The following A1CF variants were observed in gnomAD, a reference collection of about 807,000 sequenced individuals.
A1CF encodes APOBEC1 complementation factor.
In A1CF, 48 loss-of-function variants were observed where a neutral mutation model predicts 68.9. The ratio of observed to expected loss-of-function variants is 0.70; its 90% confidence interval spans 0.55 to 0.89. The LOEUF (loss-of-function observed/expected upper bound fraction) is 0.89. Among genes scored for constraint, A1CF ranks in the 40% least tolerant of loss-of-function variants. The pLI, the probability that A1CF is intolerant of heterozygous loss-of-function variation, is 0.00. For missense variants in A1CF, 653 were observed against 718.9 expected (o/e 0.91, Z 1.05); for synonymous variants, 272 against 260.4 (o/e 1.04, Z -0.43).
At chr10:50,857,622 A>G (rs1471870815) in intron 3 of A1CF, among the ~76,000 whole-genome samples, 1 of 152,176 alleles carries the variant, frequency 6.6e-6, no homozygotes, top group African/African-American at 2.4e-5. Context: ...AGGAGAAACC[A>G]CTTAGACAGC....
At chr10:50,882,742 A>G (rs1021347653) in intron 1 of A1CF, among the ~76,000 whole-genome samples, 2 of 152,152 alleles carry the variant, frequency 1.3e-5, no homozygotes, top group African/African-American at 4.8e-5. Context: ...TCCTCTGTCG[A>G]TCAATACTGT....
At chr10:50,841,195 A>G (rs949154233) in intron 5 of A1CF, among the ~76,000 whole-genome samples, 2 of 152,024 alleles carry the variant, frequency 1.3e-5, no homozygotes, top group African/African-American at 4.8e-5. Context: ...CACCACAGAG[A>G]CTTCTGTACT....
At chr10:50,858,889 G>A (rs781417573) in intron 3 of A1CF, among the ~76,000 whole-genome samples, 9 of 151,838 alleles carry the variant, frequency 5.9e-5, no homozygotes, top group Non-Finnish European at 1.2e-4. Flanking sequence ...AAAGACTAAC[G>A]CTCTTCATTA....
intron 1 of A1CF, among the ~76,000 whole-genome samples, chr10:50,885,326 C>G (rs1300782901): frequency 6.6e-6 from 1 of 152,184 alleles, no homozygotes. Context: ...TGGCTCCACT[C>G]TTGAACCCTC....
intron 2 of A1CF, among the ~76,000 whole-genome samples, chr10:50,862,335 C>T (rs1840786646): frequency 6.6e-6 from 1 of 151,668 alleles, no homozygotes; most frequent in Admixed American, 6.6e-5. Flanking sequence ...CATTGCACTG[C>T]AGCCTGGGCA....
At chr10:50,811,417 A>G (rs562604420) in intron 10 of A1CF, among the ~76,000 whole-genome samples, 78 of 152,310 alleles carry the variant, frequency 5.1e-4, no homozygotes, top group African/African-American at 1.7e-3. Flanking sequence ...TTTTTAGTTT[A>G]GTCTATTAGC....
At chr10:50,860,043 CT>C in intron 2 of A1CF, 58 bp from the exon 3 acceptor site, 1 of 861,048 alleles carries the variant, frequency 1.2e-6, no homozygotes, top group Non-Finnish European at 1.9e-6. Context: ...CAAACTTCTC[CT>C]TTTCATGAAG....
chr10:50,850,562 T>G, intron 3 of A1CF: 1 of 1,398,858 alleles, frequency 7.1e-7, no homozygotes, highest in Non-Finnish European at 1.0e-6. Flanking sequence ...CTTATTCGAG[T>G]GTTTTTCAAA....
chr10:50,872,662 A>G (rs997713381), intron 1 of A1CF, among the ~76,000 whole-genome samples: 1 of 152,156 alleles, frequency 6.6e-6, no homozygotes, highest in African/African-American at 2.4e-5. Context: ...CATCTGAAGC[A>G]CTATGGTAAC....
At chr10:50,807,350 A>G (rs901142422) in intron 12 of A1CF, among the ~76,000 whole-genome samples, 3 of 152,194 alleles carry the variant, frequency 2.0e-5, no homozygotes, top group Non-Finnish European at 4.4e-5. Flanking sequence ...CATTTAAAAC[A>G]TTTGCCTTTA....
At chr10:50,874,013 T>G (rs891495761) in intron 1 of A1CF, among the ~76,000 whole-genome samples, 4 of 152,166 alleles carry the variant, frequency 2.6e-5, no homozygotes, top group African/African-American at 4.8e-5. Context: ...TATGCACATA[T>G]GTACACACAC....
intron 3 of A1CF, among the ~76,000 whole-genome samples, chr10:50,859,430 G>T (rs1297537608): frequency 2.0e-5 from 3 of 152,176 alleles, no homozygotes; most frequent in South Asian, 2.1e-4. Context: ...GACACAAAAA[G>T]TTCATTCCTT....
At chr10:50,830,019 G>A (rs1045379925) in intron 6 of A1CF, among the ~76,000 whole-genome samples, 3 of 152,050 alleles carry the variant, frequency 2.0e-5, no homozygotes, top group Non-Finnish European at 4.4e-5. Context: ...ATTAACATAT[G>A]CATCACCTCA....
At chr10:50,820,469 G>A (rs1838594105) in intron 8 of A1CF, 83 bp downstream of exon 8, 2 of 1,175,856 alleles carry the variant, frequency 1.7e-6, no homozygotes, top group Non-Finnish European at 2.4e-6. Context: ...AGTGAGACAG[G>A]CTTGCAGGAC....
At chr10:50,833,593 G>T (rs1171632975) in intron 6 of A1CF, among the ~76,000 whole-genome samples, 1 of 152,186 alleles carries the variant, frequency 6.6e-6, no homozygotes, top group Non-Finnish European at 1.5e-5. Context: ...GGTCAATTAA[G>T]AAAGAAAAGT....
intron 6 of A1CF, among the ~76,000 whole-genome samples, chr10:50,831,395 C>A (rs1175357247): frequency 6.6e-6 from 1 of 152,176 alleles, no homozygotes; most frequent in Non-Finnish European, 1.5e-5. Context: ...ATATAGAGAA[C>A]TCAAACAATC....
At chr10:50,828,067 C>T in intron 7 of A1CF, 64 bp downstream of exon 7, 1 of 1,264,406 alleles carries the variant, frequency 7.9e-7, no homozygotes, top group Non-Finnish European at 1.1e-6. Context: ...GACACATACA[C>T]CCTCCCAAGA....
Position 50,806,791 on chromosome 10 carries a change from T to C in A1CF, c.1699A>G (p.Thr567Ala), listed in dbSNP as rs750470621. ...TLGQDLAAYT[T>A]YEVYPTFAVT... ...GCAAAAGTTGGGTAGACCTCATAGGTTGTATATGCTGCTAAGTCTTGTCCA... is the reference window on the plus strand; with the variant it reads ...GCAAAAGTTGGGTAGACCTCATAGGCTGTATATGCTGCTAAGTCTTGTCCA... The change falls in exon 13 of 13, where the codon ACC (threonine) becomes GCC (alanine). Residue 567 changes from threonine to alanine, a missense_variant. By Grantham distance (58) the Thr-to-Ala change is moderately conservative. Transcript: ENST00000373997. 1.1e-5 allele frequency: 17 copies of C among 1,613,728 alleles called. No individual in the cohort carries two copies. In the Admixed American group the frequency reaches 2.8e-4, roughly 27 times the overall value.
In A1CF at chr10:50,859,504, C is replaced by T. The variant is rs568229156; in HGVS notation, c.99+338G>A. On this transcript the variant is annotated intron_variant, in intron 3 of 12. Transcript: ENST00000373997. ...CTCTGGAAACTAAGCCTGGTTCCTG[C>T]TGTAGTTTATTTTCTGCTGATTCCT... Among the ~76,000 whole-genome samples, 167 of 152,220 alleles carry T rather than the reference C, an allele frequency of 1.1e-3. 1 individual carries two copies. The highest frequency in any genetic ancestry group is 3.9e-3 in the African/African-American group (161 of 41,542).
Sources: gnomAD v4.1 joint callset for allele counts (sites outside exome capture counted in the v4.1 genomes callset) on GRCh38, gnomAD v4.1.1 for gene constraint, MANE v1.5 for transcripts, NCBI Gene and HGNC (gene_info 2026-07-23, HGNC 2026-07-21) for gene names.